The following UBAC2 variants were observed in gnomAD, a reference collection of about 807,000 sequenced individuals.
UBAC2 encodes the protein ubiquitin-associated domain-containing protein 2.
A neutral mutation model predicts 44.0 loss-of-function variants in UBAC2; 26 were observed. The ratio of observed to expected loss-of-function variants is 0.59; its 90% CI spans 0.43 to 0.82. UBAC2 has a LOEUF of 0.82. Among genes scored for constraint, UBAC2 ranks in the 40% least tolerant of loss-of-function variants. UBAC2 has a pLI of 0.00. For missense variants in UBAC2, 329 were observed against 419.4 expected (o/e 0.78, Z 1.88); for synonymous variants, 155 against 154.3 (o/e 1.00, Z -0.04).
intron 7 of UBAC2, among the ~76,000 whole-genome samples, chr13:99,366,946 T>A (rs1304942709): frequency 6.6e-6 from 1 of 152,148 alleles, no homozygotes; most frequent in Non-Finnish European, 1.5e-5. Flanking sequence ...GTAGGAAGAG[T>A]TTCAGATCTT....
At chr13:99,369,407 G>A (rs574955645) in intron 8 of UBAC2, among the ~76,000 whole-genome samples, 2 of 152,172 alleles carry the variant, frequency 1.3e-5, no homozygotes, top group African/African-American at 2.4e-5. Flanking sequence ...GCTGGGCAGC[G>A]ACTGTGAACC....
Position 99,201,061 on chromosome 13 carries a change from C to A in UBAC2, c.31+122C>A, listed in dbSNP as rs932191345. On this transcript the variant is annotated intron_variant, in intron 1 of 8. Coordinates refer to ENST00000403766, the MANE Select transcript of UBAC2 (RefSeq NM_001144072.2). Reference sequence around the variant, plus strand: ...GAGGTGGTGGGGCCGACCCTCCAGACCCGCGTCCGAACCCTGCTAGTTCCC... The same window carrying A: ...GAGGTGGTGGGGCCGACCCTCCAGAACCGCGTCCGAACCCTGCTAGTTCCC... The A allele has an allele frequency of 2.3e-6, 3 of 1,328,860 alleles. No homozygotes were observed. The African/African-American group carries it at 4.5e-5, about 20-fold the overall frequency. 82.3% of individuals were successfully genotyped at this position (1,328,860 alleles called of 1,614,324 possible).
chr13:99,245,153 A>G (rs575303688), intron 4 of UBAC2, among the ~76,000 whole-genome samples: 2 of 152,162 alleles, frequency 1.3e-5, no homozygotes, highest in Non-Finnish European at 2.9e-5. Context: ...TTTAGCTTTG[A>G]AAGTTTGTGT....
At chr13:99,338,047 C>CTTTTCTTTTTTTTTTTT (rs2044820894) in intron 6 of UBAC2, among the ~76,000 whole-genome samples, 2 of 48,852 alleles carry the variant, frequency 4.1e-5, no homozygotes, top group African/African-American at 1.4e-4. Flanking sequence ...TTCTTTTTTT[C>CTTTTCTTTTTTTTTTTT]TTTTTTTTTT....
chr13:99,380,342 G>C (rs938570737), intron 8 of UBAC2, among the ~76,000 whole-genome samples: 1 of 152,160 alleles, frequency 6.6e-6, no homozygotes, highest in African/African-American at 2.4e-5. Flanking sequence ...TTTCCCAGGA[G>C]AGACCGTAAT....
At chr13:99,362,114 A>G (rs1371696269) in intron 7 of UBAC2, among the ~76,000 whole-genome samples, 4 of 152,242 alleles carry the variant, frequency 2.6e-5, no homozygotes, top group African/African-American at 7.2e-5. Context: ...CATACAATTT[A>G]TGTAAATGGT....
rs377595958 is a variant in UBAC2 at position 99,201,341 on chromosome 13, A to T, written c.31+402A>T. The T allele has an allele frequency of 1.2e-4, 184 of 1,539,824 alleles. 6 individuals carry two copies. The East Asian group carries it at 1.3e-3, about 11-fold the overall frequency. On this transcript the variant is annotated intron_variant, in intron 1 of 8. Transcript: ENST00000403766. ...CATTCTTTTAGGCTTGGGGGACCGAACTAACTCCCCCCGCCCCCACTTGCA... is the reference window on the plus strand; with the variant it reads ...CATTCTTTTAGGCTTGGGGGACCGATCTAACTCCCCCCGCCCCCACTTGCA...
At chr13:99,254,085 G>A (rs1296240132) in intron 4 of UBAC2, among the ~76,000 whole-genome samples, 1 of 152,142 alleles carries the variant, frequency 6.6e-6, no homozygotes, top group African/African-American at 2.4e-5. Context: ...TATTTATACT[G>A]TGACATATGG....
At chr13:99,316,435 ATGAATGAAGACT>A (rs2044491847) in intron 5 of UBAC2, among the ~76,000 whole-genome samples, 1 of 152,232 alleles carries the variant, frequency 6.6e-6, no homozygotes, top group Non-Finnish European at 1.5e-5. Flanking sequence ...GAATGAATGA[ATGAATGAAGACT>A]TGAATCATAA....
chr13:99,296,734 C>T (rs998888548), intron 4 of UBAC2, among the ~76,000 whole-genome samples: 2 of 151,978 alleles, frequency 1.3e-5, no homozygotes, highest in African/African-American at 4.8e-5. Flanking sequence ...ATGTTAGGAA[C>T]TGAAAGTTAG....
At chr13:99,369,897 C>G (rs1321754706) in intron 8 of UBAC2, among the ~76,000 whole-genome samples, 1 of 152,086 alleles carries the variant, frequency 6.6e-6, no homozygotes, top group African/African-American at 2.4e-5. Context: ...ATAAGATAAA[C>G]TTAATTTGAG....
At chr13:99,219,494 C>T (rs944723614) in intron 1 of UBAC2, among the ~76,000 whole-genome samples, 2 of 152,198 alleles carry the variant, frequency 1.3e-5, no homozygotes, top group Non-Finnish European at 2.9e-5. Flanking sequence ...CTTGTCCACC[C>T]TGCAGCCCAT....
In UBAC2 at chr13:99,254,163, CTGTT is replaced by C. The variant is rs141994406; in HGVS notation, c.389+9543_389+9546del. Among the ~76,000 whole-genome samples the C allele has an allele frequency of 3.3e-3, 505 of 152,240 alleles. 4 individuals carry two copies. The highest frequency in any genetic ancestry group is 0.012 in the African/African-American group (480 of 41,530). Reference sequence around the variant, plus strand: ...TCTTCAACCACATAAGAAGAGCAAACTGTTTGTATTGGAGAATGGCATTTCACCA... The same window carrying C: ...TCTTCAACCACATAAGAAGAGCAAACTGTATTGGAGAATGGCATTTCACCA... On this transcript the variant is annotated intron_variant, in intron 4 of 8. Transcript: ENST00000403766.
At chr13:99,226,457 T>G (rs1019960416) in intron 1 of UBAC2, among the ~76,000 whole-genome samples, 2 of 152,202 alleles carry the variant, frequency 1.3e-5, no homozygotes, top group African/African-American at 4.8e-5. Flanking sequence ...CTTTCTTCCC[T>G]GGATTCCCTA....
intron 7 of UBAC2, among the ~76,000 whole-genome samples, chr13:99,362,321 A>G (rs2045276059): frequency 6.6e-6 from 1 of 152,162 alleles, no homozygotes; most frequent in Non-Finnish European, 1.5e-5. Context: ...CTTACTTAAT[A>G]TTACAACCAG....
At chr13:99,378,015 C>G (rs933302896) in intron 8 of UBAC2, among the ~76,000 whole-genome samples, 2 of 152,210 alleles carry the variant, frequency 1.3e-5, no homozygotes, top group African/African-American at 4.8e-5. Flanking sequence ...TTTTCTGTCC[C>G]TACAAGTTGA....
chr13:99,226,774 T>C lies in UBAC2; in HGVS notation c.32-11653T>C, dbSNP rs549619260. Among the ~76,000 whole-genome samples the C allele has an allele frequency of 5.3e-5, 8 of 152,336 alleles. No individual in the cohort carries two copies. The East Asian group carries it at 1.5e-3, about 29-fold the overall frequency. On this transcript the variant is annotated intron_variant, in intron 1 of 8. Coordinates refer to ENST00000403766, the MANE Select transcript of UBAC2 (RefSeq NM_001144072.2). ...TAATCATGTTGAGCATGTTTTCATC[T>C]CAAAGCATGTGTACTTGCTTTTTTT...
chr13:99,305,754 T>G (rs2044323504), intron 4 of UBAC2, among the ~76,000 whole-genome samples: 1 of 152,062 alleles, frequency 6.6e-6, no homozygotes, highest in Admixed American at 6.5e-5. Flanking sequence ...TTTTGTGGAG[T>G]AGCATATTCT....
intron 4 of UBAC2, among the ~76,000 whole-genome samples, chr13:99,302,650 A>G (rs142327104): frequency 3.9e-4 from 59 of 152,316 alleles, no homozygotes; most frequent in African/African-American, 1.4e-3. Flanking sequence ...CTGAGGGATT[A>G]TGGGTGTTGT....
Sources: allele counts gnomAD v4.1 joint callset (sites outside exome capture counted in the v4.1 genomes callset), GRCh38; gene constraint gnomAD v4.1.1; transcripts MANE v1.5; gene names NCBI Gene and HGNC (gene_info 2026-07-23, HGNC 2026-07-21).